SLC14A2: variants seen among roughly 807,000 people sequenced by gnomAD.
SLC14A2 encodes urea transporter 2.
A neutral mutation model predicts 104.6 loss-of-function variants in SLC14A2; 91 were observed. The ratio of observed to expected loss-of-function variants is 0.87; its 90% CI spans 0.73 to 1.04. The LOEUF is 1.04. Among genes scored for constraint, SLC14A2 ranks in the 50% least tolerant of loss-of-function variants. The pLI, the probability that SLC14A2 is intolerant of heterozygous loss-of-function variation, is 0.00. For missense variants in SLC14A2, 1,189 were observed against 1,156.0 expected (o/e 1.03, Z -0.41); for synonymous variants, 476 against 466.4 (o/e 1.02, Z -0.27).
intron 1 of SLC14A2, among the ~76,000 whole-genome samples, chr18:45,469,151 G>A (rs2087198764): frequency 6.6e-6 from 1 of 152,202 alleles, no homozygotes; most frequent in Admixed American, 6.5e-5. Context: ...GGTCAGGATG[G>A]CCATAGAGAT....
chr18:45,555,257 T>C (rs2044115136), intron 2 of SLC14A2, among the ~76,000 whole-genome samples: 1 of 152,190 alleles, frequency 6.6e-6, no homozygotes, highest in African/African-American at 2.4e-5. Context: ...GAAGGGAGCA[T>C]TCATGGTTTT....
At chr18:45,613,767 G>A (rs1174119823), upstream of SLC14A2, among the ~76,000 whole-genome samples, 2 of 152,204 alleles carry the variant, frequency 1.3e-5, no homozygotes, top group African/African-American at 4.8e-5. Flanking sequence ...AGGTGACCTC[G>A]GTGCTCTTAA....
intron 2 of SLC14A2, among the ~76,000 whole-genome samples, chr18:45,517,074 G>A (rs1463379106): frequency 3.9e-5 from 6 of 152,178 alleles, no homozygotes; most frequent in African/African-American, 1.4e-4. Flanking sequence ...AGACTGGCAG[G>A]GTCCCTGCTC....
chr18:45,173,198 T>C, the SLC14A2 span, among the ~76,000 whole-genome samples: 21 of 152,140 alleles, frequency 1.4e-4, no homozygotes, highest in Admixed American at 1.0e-3. Context: ...GGGTGGGAGA[T>C]GGAGCTGGAA....
In SLC14A2 at chr18:45,383,383, A is replaced by T. The variant is rs141798693; in HGVS notation, c.-124-99850A>T. ...TCTCCTTCAGCCTAAGGCATTTCAG[A>T]ATTCCACCAAGCTCATAGAATCCCA... is the stretch of plus-strand genomic sequence containing the variant. On this transcript the variant is annotated intron_variant, in intron 1 of 20. Transcript: ENST00000586448. Among the ~76,000 whole-genome samples, 176 of 152,276 alleles carry T rather than the reference A, an allele frequency of 1.2e-3. 1 individual carries two copies. The highest frequency in any genetic ancestry group is 4.2e-3 in the African/African-American group (173 of 41,550).
At chr18:45,444,901 G>T (rs775877121) in intron 1 of SLC14A2, among the ~76,000 whole-genome samples, 1 of 152,128 alleles carries the variant, frequency 6.6e-6, no homozygotes, top group Non-Finnish European at 1.5e-5. Flanking sequence ...TAGCCCATTG[G>T]TTCAATTTCC....
chr18:45,280,996 T>C (rs1454878406), intron 1 of SLC14A2, among the ~76,000 whole-genome samples: 1 of 151,894 alleles, frequency 6.6e-6, no homozygotes, highest in Non-Finnish European at 1.5e-5. Context: ...CCTCCTCCCC[T>C]CCCAACGTGC....
intron 1 of SLC14A2, among the ~76,000 whole-genome samples, chr18:45,440,675 G>A (rs1568205159): frequency 2.6e-5 from 4 of 152,272 alleles, no homozygotes; most frequent in Middle Eastern, 3.4e-3. Flanking sequence ...GGTACATGAC[G>A]TTTGGAAAAC....
intron 1 of SLC14A2, among the ~76,000 whole-genome samples, chr18:45,293,135 C>T (rs1272343642): frequency 1.3e-5 from 2 of 152,154 alleles, no homozygotes; most frequent in Non-Finnish European, 2.9e-5. Flanking sequence ...ATATTTAAGG[C>T]AGTAATTACA....
intron 2 of SLC14A2, among the ~76,000 whole-genome samples, chr18:45,497,643 C>A (rs1233267285): frequency 6.6e-6 from 1 of 152,142 alleles, no homozygotes; most frequent in African/African-American, 2.4e-5. Context: ...AGCGGGCTGA[C>A]AATGAGCACA....
chr18:45,294,408 A>T (rs1043127250), intron 1 of SLC14A2, among the ~76,000 whole-genome samples: 1 of 152,202 alleles, frequency 6.6e-6, no homozygotes, highest in African/African-American at 2.4e-5. Context: ...ATTAGCTAGT[A>T]TTAATGTTAG....
At chr18:45,277,964 C>G (rs867114393) in intron 1 of SLC14A2, among the ~76,000 whole-genome samples, 13 of 152,172 alleles carry the variant, frequency 8.5e-5, no homozygotes, top group African/African-American at 2.2e-4. Flanking sequence ...TCCACCTCCC[C>G]CTCCATGCCA....
intron 2 of SLC14A2, among the ~76,000 whole-genome samples, chr18:45,573,822 C>T (rs946601909): frequency 3.3e-5 from 5 of 152,174 alleles, no homozygotes; most frequent in Non-Finnish European, 7.3e-5. Context: ...AGTTCCTGCT[C>T]ATCAAAAATA....
Position 45,655,333 on chromosome 18 carries a change from C to T in SLC14A2, c.1352-8452C>T, listed in dbSNP as rs144355236. 3.9e-5 allele frequency among the ~76,000 whole-genome samples: 6 copies of T among 152,272 alleles called. No homozygotes were observed. In the East Asian group the frequency reaches 5.8e-4, roughly 15 times the overall value. ...CAAAACCAGCACCAAACGATATAAG[C>T]CTTGGTGAACTTGGTGAGGGAAAGC... On this transcript the variant is annotated intron_variant, in intron 10 of 19. Coordinates refer to ENST00000255226, the MANE Select transcript of SLC14A2 (RefSeq NM_007163.4).
chr18:45,633,887 T>G (rs181870816), intron 5 of SLC14A2, among the ~76,000 whole-genome samples: 1 of 152,234 alleles, frequency 6.6e-6, no homozygotes, highest in African/African-American at 2.4e-5. Flanking sequence ...TCTTAATCCA[T>G]TGGGACAAAA....
intron 1 of SLC14A2, among the ~76,000 whole-genome samples, chr18:45,325,207 G>T (rs1427514711): frequency 6.6e-6 from 1 of 152,178 alleles, no homozygotes; most frequent in Non-Finnish European, 1.5e-5. Flanking sequence ...GAAGTCAACG[G>T]GTGAGTCTCA....
the SLC14A2 span, among the ~76,000 whole-genome samples, chr18:45,197,168 C>T: frequency 2.0e-5 from 3 of 152,202 alleles, no homozygotes; most frequent in East Asian, 5.8e-4. Flanking sequence ...AACTAAGTCT[C>T]TTAAGCTGGG....
chr18:45,225,374 A>T (rs186032989), intron 1 of SLC14A2, among the ~76,000 whole-genome samples: 1 of 152,080 alleles, frequency 6.6e-6, no homozygotes, highest in Non-Finnish European at 1.5e-5. Context: ...TACCAGTACC[A>T]TGCTGTTTTG....
At chr18:45,610,782 G>C (rs577501297), upstream of SLC14A2, among the ~76,000 whole-genome samples, 1 of 152,270 alleles carries the variant, frequency 6.6e-6, no homozygotes, top group Non-Finnish European at 1.5e-5. Flanking sequence ...CTTTCACCTA[G>C]AGGTTTGTTT....
Sources: gnomAD v4.1 joint callset for allele counts (sites outside exome capture counted in the v4.1 genomes callset) on GRCh38, gnomAD v4.1.1 for gene constraint, MANE v1.5 for transcripts, NCBI Gene and HGNC (gene_info 2026-07-23, HGNC 2026-07-21) for gene names.